NRG3: variants seen among roughly 807,000 people sequenced by gnomAD.
The protein encoded by NRG3 is neuregulin 3, also known as pro-neuregulin-3, membrane-bound isoform.
A neutral mutation model predicts 66.9 loss-of-function variants in NRG3; 31 were observed. That is an observed-to-expected ratio of 0.46 (90% CI 0.35 to 0.63). The LOEUF (loss-of-function observed/expected upper bound fraction) is 0.63. NRG3 is among the 20% of genes least tolerant of loss of function. The pLI is 0.00. For synonymous variants in NRG3, 393 were observed against 359.4 expected (o/e 1.09, Z -1.06); for missense variants, 910 against 878.9 (o/e 1.04, Z -0.45).
Position 82,931,740 on chromosome 10 carries a change from C to T in NRG3, c.1055-19729C>T, listed in dbSNP as rs1847600378. ...CTGTGTTTATGTTTCTAGTTTTGCT[C>T]AGTTTTGGTTTGCACGGGAGTCTCC... On this transcript the variant is annotated intron_variant, in intron 4 of 8. Coordinates refer to ENST00000372141, the MANE Select transcript of NRG3 (RefSeq NM_001010848.4). Among the ~76,000 whole-genome samples the T allele has an allele frequency of 2.0e-5, 3 of 151,970 alleles. No individual in the cohort carries two copies. In the South Asian group the frequency reaches 6.2e-4, roughly 32 times the overall value.
intron 2 of NRG3, among the ~76,000 whole-genome samples, chr10:82,650,168 T>C (rs1462977292): frequency 4.6e-5 from 7 of 152,196 alleles, no homozygotes; most frequent in Non-Finnish European, 2.9e-5. Flanking sequence ...TTACGCTTCT[T>C]CTTTGTCATG....
At chr10:82,848,923 C>T (rs1338484587) in intron 3 of NRG3, among the ~76,000 whole-genome samples, 1 of 152,136 alleles carries the variant, frequency 6.6e-6, no homozygotes, top group African/African-American at 2.4e-5. Flanking sequence ...GAGGCCTTCC[C>T]AGCCATGTGG....
chr10:82,767,263 G>C (rs2059552980), intron 3 of NRG3, among the ~76,000 whole-genome samples: 1 of 151,956 alleles, frequency 6.6e-6, no homozygotes, highest in South Asian at 2.1e-4. Context: ...TCTGCTGCCT[G>C]CATGTCTTCT....
intron 1 of NRG3, among the ~76,000 whole-genome samples, chr10:82,245,367 G>A (rs1344500495): frequency 6.6e-5 from 10 of 152,146 alleles, no homozygotes; most frequent in African/African-American, 2.4e-4. Flanking sequence ...ATGAAGCTTT[G>A]CTCACTCACC....
intron 3 of NRG3, among the ~76,000 whole-genome samples, chr10:82,825,379 A>G (rs1250379702): frequency 1.5e-4 from 23 of 152,206 alleles, no homozygotes; most frequent in Admixed American, 1.5e-3. Context: ...AATACTTTAC[A>G]GGTATTGCTC....
chr10:82,435,620 G>A (rs1434976327), intron 2 of NRG3, among the ~76,000 whole-genome samples: 1 of 152,006 alleles, frequency 6.6e-6, no homozygotes, highest in Admixed American at 6.6e-5. Context: ...TGCTTTAACT[G>A]TGTCCCAGAG....
chr10:82,609,647 A>G (rs898593909), intron 2 of NRG3, among the ~76,000 whole-genome samples: 2 of 152,064 alleles, frequency 1.3e-5, no homozygotes, highest in Non-Finnish European at 2.9e-5. Context: ...AACATGTGTT[A>G]AACCTCATAA....
intron 1 of NRG3, among the ~76,000 whole-genome samples, chr10:82,179,694 T>C (rs559695109): frequency 6.6e-6 from 1 of 152,066 alleles, no homozygotes; most frequent in South Asian, 2.1e-4. Flanking sequence ...CTGACATTCC[T>C]CTTCTTTTTC....
intron 1 of NRG3, among the ~76,000 whole-genome samples, chr10:82,071,058 T>C (rs1445337529): frequency 6.6e-6 from 1 of 152,250 alleles, no homozygotes; most frequent in Non-Finnish European, 1.5e-5. Context: ...ACTTAATTTA[T>C]GTACTCTGCC....
intron 1 of NRG3, among the ~76,000 whole-genome samples, chr10:82,298,539 A>G (rs910112754): frequency 6.6e-6 from 1 of 152,168 alleles, no homozygotes; most frequent in Non-Finnish European, 1.5e-5. Context: ...TTGGCAACAT[A>G]TTTAGAAGGC....
rs906709371 is a variant in NRG3 at position 82,110,746 on chromosome 10, A to G, written c.823+234583A>G. On this transcript the variant is annotated intron_variant, in intron 1 of 8. Transcript: ENST00000372141. ...GAGTAGGTTTATGTCAGATGTCTTT[A>G]TATCTATTAGATGTCTACTAGACAT... Among the ~76,000 whole-genome samples the G allele has an allele frequency of 3.9e-5, 6 of 152,230 alleles. No individual in the cohort carries two copies. In the South Asian group the frequency reaches 6.2e-4, roughly 16 times the overall value.
chr10:82,150,526 C>CAAAAAAAAAAAAAAAAAAAA (rs2070637635), intron 1 of NRG3, among the ~76,000 whole-genome samples: 2 of 17,154 alleles, frequency 1.2e-4, no homozygotes, highest in African/African-American at 3.0e-4. Context: ...AAAAAGAGCA[C>CAAAAAAAAAAAAAAAAAAAA]ACACAAAAAA....
chr10:82,672,205 T>C (rs1460292468), intron 2 of NRG3, among the ~76,000 whole-genome samples: 9 of 151,960 alleles, frequency 5.9e-5, no homozygotes, highest in Non-Finnish European at 1.5e-5. Context: ...AGGAAAGAAA[T>C]GTTTTAGGCA....
At chr10:82,734,206 C>T (rs1041519841) in intron 2 of NRG3, among the ~76,000 whole-genome samples, 43 of 152,146 alleles carry the variant, frequency 2.8e-4, no homozygotes, top group Non-Finnish European at 5.9e-5. Context: ...TTACTTAAAC[C>T]AGCCACTGGG....
At chr10:82,640,058 A>G (rs541895887) in intron 2 of NRG3, among the ~76,000 whole-genome samples, 1 of 152,254 alleles carries the variant, frequency 6.6e-6, no homozygotes, top group South Asian at 2.1e-4. Context: ...TGCTAGGGAT[A>G]ATGGCCTCCA....
intron 3 of NRG3, among the ~76,000 whole-genome samples, chr10:82,845,301 G>T (rs1439506547): frequency 6.6e-6 from 1 of 152,192 alleles, no homozygotes; most frequent in African/African-American, 2.4e-5. Context: ...TTTCATACCT[G>T]GGAATAAAGT....
intron 1 of NRG3, among the ~76,000 whole-genome samples, chr10:82,023,646 A>G (rs1236498784): frequency 6.6e-6 from 1 of 152,090 alleles, no homozygotes; most frequent in Non-Finnish European, 1.5e-5. Context: ...AATGTCATGT[A>G]TCATGTTTAT....
chr10:82,050,568 C>A (rs188101789), intron 1 of NRG3, among the ~76,000 whole-genome samples: 1 of 152,050 alleles, frequency 6.6e-6, no homozygotes, highest in Non-Finnish European at 1.5e-5. Flanking sequence ...GCTACCTGCT[C>A]TCAGACTGGT....
intron 2 of NRG3, among the ~76,000 whole-genome samples, chr10:82,538,336 A>G (rs1315931741): frequency 6.6e-6 from 1 of 152,216 alleles, no homozygotes; most frequent in African/African-American, 2.4e-5. Flanking sequence ...TGCAGTTTCT[A>G]TCCTAAATAA....
Sources: gnomAD v4.1 joint callset for allele counts (sites outside exome capture counted in the v4.1 genomes callset) on GRCh38, gnomAD v4.1.1 for gene constraint, MANE v1.5 for transcripts, NCBI Gene and HGNC (gene_info 2026-07-23, HGNC 2026-07-21) for gene names.